The following CNTNAP2 variants were observed in gnomAD, a reference collection of about 807,000 sequenced individuals.
CNTNAP2 encodes the protein contactin-associated protein-like 2.
In CNTNAP2, 98 loss-of-function variants were observed where a neutral mutation model predicts 155.2. That is an observed-to-expected ratio of 0.63 (90% CI 0.54 to 0.75). The LOEUF (loss-of-function observed/expected upper bound fraction) is 0.75, where lower values mean the gene tolerates loss of function less well. CNTNAP2 is among the 30% of genes least tolerant of loss of function. The pLI is 0.00. For synonymous variants in CNTNAP2, 651 were observed against 631.2 expected (o/e 1.03, Z -0.47); for missense variants, 1,727 against 1,688.1 (o/e 1.02, Z -0.40).
At chr7:147,895,005 C>G (rs10278604) in intron 13 of CNTNAP2, among the ~76,000 whole-genome samples, 1 of 101,522 alleles carries the variant, frequency 9.9e-6, no homozygotes, top group African/African-American at 3.7e-5. Context: ...GAGTCTTACT[C>G]TGTCGCCCAG....
intron 13 of CNTNAP2, among the ~76,000 whole-genome samples, chr7:147,870,579 G>A (rs1273630717): frequency 6.6e-6 from 1 of 152,212 alleles, no homozygotes; most frequent in Non-Finnish European, 1.5e-5. Flanking sequence ...CCTTGTGGCA[G>A]AGAAAACATG....
intron 1 of CNTNAP2, among the ~76,000 whole-genome samples, chr7:146,152,513 T>C (rs1304815330): frequency 6.6e-6 from 1 of 152,044 alleles, no homozygotes; most frequent in East Asian, 1.9e-4. Context: ...AGGATGGATA[T>C]AAGGTGTTTT....
At position 148,331,341 on chromosome 7, in the gene CNTNAP2, CGGATGGAATGGAT is replaced by C. The variant is rs1563045531; in HGVS notation, c.3476-52300_3476-52288del. 6.6e-5 allele frequency among the ~76,000 whole-genome samples: 5 copies of C among 75,702 alleles called. 1 individual carries two copies. Among genetic ancestry groups the C allele is most frequent in the African/African-American group, 2.7e-4 (5 of 18,630 alleles). 49.7% of individuals were successfully genotyped at this position (75,702 alleles called of 152,430 possible). Reference sequence around the variant, plus strand: ...GCATGGAATGGACGGATGGAATGGACGGATGGAATGGATGGATGGAGTGGAGGGATGGAGTGGA... The same window carrying C: ...GCATGGAATGGACGGATGGAATGGACGGATGGAGTGGAGGGATGGAGTGGA... On this transcript the variant is annotated intron_variant, in intron 21 of 23. Coordinates refer to ENST00000361727, the MANE Select transcript of CNTNAP2 (RefSeq NM_014141.6).
chr7:146,473,641 A>G (rs1796831994), intron 1 of CNTNAP2, among the ~76,000 whole-genome samples: 1 of 152,322 alleles, frequency 6.6e-6, no homozygotes, highest in South Asian at 2.1e-4. Flanking sequence ...TATTTTTATC[A>G]CAGTCTACTT....
chr7:147,177,863 G>T (rs542003362), intron 8 of CNTNAP2, among the ~76,000 whole-genome samples: 1 of 152,112 alleles, frequency 6.6e-6, no homozygotes, highest in South Asian at 2.1e-4. Flanking sequence ...ACCCTAAATG[G>T]GTAACTGAGG....
At chr7:147,094,254 A>AT (rs1800475211) in intron 4 of CNTNAP2, among the ~76,000 whole-genome samples, 1 of 152,158 alleles carries the variant, frequency 6.6e-6, no homozygotes. Context: ...CCAAATTTCT[A>AT]TCAACATTCT....
intron 10 of CNTNAP2, among the ~76,000 whole-genome samples, chr7:147,403,913 C>T (rs1796960294): frequency 6.6e-6 from 1 of 152,146 alleles, no homozygotes; most frequent in Admixed American, 6.5e-5. Context: ...CTCCAAACTG[C>T]TACCCTCTAG....
At chr7:146,316,019 T>C (rs913682293) in intron 1 of CNTNAP2, among the ~76,000 whole-genome samples, 8 of 152,202 alleles carry the variant, frequency 5.3e-5, no homozygotes, top group Non-Finnish European at 7.3e-5. Context: ...TCAAGTAAAC[T>C]ATACACAGAA....
chr7:148,273,411 TCAC>T (rs1416768676), intron 21 of CNTNAP2, among the ~76,000 whole-genome samples: 1 of 152,238 alleles, frequency 6.6e-6, no homozygotes, highest in Non-Finnish European at 1.5e-5. Flanking sequence ...TGTACAGCGA[TCAC>T]CACATCACTG....
chr7:147,909,576 T>C (rs1800024459), intron 14 of CNTNAP2, among the ~76,000 whole-genome samples: 1 of 152,166 alleles, frequency 6.6e-6, no homozygotes, highest in Admixed American at 6.6e-5. Context: ...GAATGTAATT[T>C]AACATTTATG....
chr7:148,204,652 G>A (rs536080438), intron 18 of CNTNAP2, among the ~76,000 whole-genome samples: 1 of 152,274 alleles, frequency 6.6e-6, no homozygotes, highest in South Asian at 2.1e-4. Context: ...ATTCCATTGT[G>A]TTTTTATGTT....
At chr7:147,342,056 G>C (rs955894562) in intron 9 of CNTNAP2, among the ~76,000 whole-genome samples, 5 of 152,084 alleles carry the variant, frequency 3.3e-5, no homozygotes, top group Non-Finnish European at 5.9e-5. Context: ...CAGATGGCCA[G>C]CTTCTCACTG....
intron 8 of CNTNAP2, among the ~76,000 whole-genome samples, chr7:147,179,934 A>C (rs528989269): frequency 1.3e-5 from 2 of 152,302 alleles, no homozygotes; most frequent in South Asian, 4.1e-4. Flanking sequence ...TTGTGACAAA[A>C]GTGAATTGAG....
chr7:146,843,596 CA>C (rs10639255), intron 3 of CNTNAP2, among the ~76,000 whole-genome samples: 4,631 of 126,512 alleles, frequency 0.037, 127 homozygotes, highest in African/African-American at 0.097. Context: ...CTTACTAATA[CA>C]AAAAAAAAAA....
intron 10 of CNTNAP2, among the ~76,000 whole-genome samples, chr7:147,405,267 CAAAATA>C (rs1796986467): frequency 6.6e-6 from 1 of 152,128 alleles, no homozygotes; most frequent in Non-Finnish European, 1.5e-5. Context: ...ATATTACCTG[CAAAATA>C]AAAATAAGAG....
intron 13 of CNTNAP2, among the ~76,000 whole-genome samples, chr7:147,646,269 G>C (rs1486898902): frequency 3.3e-5 from 5 of 152,138 alleles, no homozygotes; most frequent in Non-Finnish European, 7.3e-5. Flanking sequence ...CAGTTCTAAG[G>C]CTTACCTTGT....
intron 10 of CNTNAP2, among the ~76,000 whole-genome samples, chr7:147,458,358 C>T (rs933050798): frequency 2.0e-5 from 3 of 151,946 alleles, no homozygotes; most frequent in African/African-American, 7.3e-5. Context: ...AATCAAATTG[C>T]AAGCTCTTGA....
intron 15 of CNTNAP2, among the ~76,000 whole-genome samples, chr7:148,061,903 A>G (rs1471256665): frequency 1.6e-5 from 2 of 121,264 alleles, no homozygotes; most frequent in Non-Finnish European, 3.6e-5. Flanking sequence ...AGATAGATAG[A>G]TAGATAGATA....
chr7:148,153,020 C>CAAAA lies in CNTNAP2; in HGVS notation c.2773+5335_2773+5338dup, dbSNP rs373499312. On this transcript the variant is annotated intron_variant, in intron 17 of 23. Transcript: ENST00000361727. The stretch of plus-strand genomic sequence containing the variant: ...TGGGTGACTGAGCAAGACTCCGTCT[C>CAAAA]AAAAAAAAAAAAAAAAAAAAAAAAA... 1.3e-3 allele frequency among the ~76,000 whole-genome samples: 29 copies of CAAAA among 22,658 alleles called. 4 individuals carry two copies. The highest frequency in any genetic ancestry group is 3.9e-3 in the African/African-American group (23 of 5,936). 14.9% of individuals were successfully genotyped at this position (22,658 alleles called of 152,430 possible).
Sources: allele counts gnomAD v4.1 joint callset (sites outside exome capture counted in the v4.1 genomes callset), GRCh38; gene constraint gnomAD v4.1.1; transcripts MANE v1.5; gene names NCBI Gene and HGNC (gene_info 2026-07-23, HGNC 2026-07-21).